Variants in GALNT10 observed in about 807,000 individuals in gnomAD.
GALNT10 encodes GalNAc transferase 10.
A neutral mutation model predicts 75.0 loss-of-function variants in GALNT10; 41 were observed. That is an observed-to-expected ratio of 0.55 (90% CI 0.43 to 0.71). GALNT10 has a LOEUF of 0.71. Ranked by LOEUF, GALNT10 falls within the 30% of genes least tolerant of loss-of-function variation. The probability of loss-of-function intolerance (pLI) is 0.00; values close to 1 mark genes in which losing one functional copy is unlikely to be tolerated. For synonymous variants in GALNT10, 302 were observed against 313.0 expected, an observed-to-expected ratio of 0.96 and a Z score of 0.37; for missense variants, 727 against 818.5, an observed-to-expected ratio of 0.89 and a Z score of 1.36.
chr5:154,346,416 A>C (rs1034144885), intron 4 of GALNT10, among the ~76,000 whole-genome samples: 1 of 152,216 alleles, frequency 6.6e-6, no homozygotes, highest in Non-Finnish European at 1.5e-5. Context: ...ATATGAGCCA[A>C]AGCTCATTCT....
intron 7 of GALNT10, chr5:154,392,782 A>G (rs1755929114): frequency 6.6e-6 from 1 of 152,178 alleles, no homozygotes; most frequent in Non-Finnish European, 1.5e-5. Context: ...AGTGAGAAAA[A>G]TGTAGGCTTT....
At chr5:154,393,424 G>T (rs1301150717) in intron 7 of GALNT10, among the ~76,000 whole-genome samples, 2 of 152,116 alleles carry the variant, frequency 1.3e-5, no homozygotes, top group African/African-American at 4.8e-5. Context: ...ATCCCTAGTG[G>T]CCTTTGGGGG....
intron 2 of GALNT10, among the ~76,000 whole-genome samples, chr5:154,295,579 C>CAGTT (rs1293124820): frequency 1.3e-5 from 2 of 152,160 alleles, no homozygotes; most frequent in Admixed American, 6.5e-5. Context: ...GTCTTGGGAG[C>CAGTT]AGTTCCGTTT....
chr5:154,330,850 T>G (rs1754846072), intron 4 of GALNT10, among the ~76,000 whole-genome samples: 1 of 152,036 alleles, frequency 6.6e-6, no homozygotes, highest in African/African-American at 2.4e-5. Flanking sequence ...TCGCCCCGTT[T>G]TAATACCGCA....
chr5:154,372,366 T>C (rs191642117), intron 4 of GALNT10, among the ~76,000 whole-genome samples: 1 of 152,306 alleles, frequency 6.6e-6, no homozygotes, highest in Non-Finnish European at 1.5e-5. Flanking sequence ...AAGAACTACA[T>C]GTTGCTGTGC....
At chr5:154,242,338 G>A (rs991850426) in intron 1 of GALNT10, among the ~76,000 whole-genome samples, 2 of 152,086 alleles carry the variant, frequency 1.3e-5, no homozygotes, top group Non-Finnish European at 2.9e-5. Context: ...CACTTTTCTG[G>A]TGGTAGCCCA....
rs959314612 is a variant in GALNT10, at chr5:154,205,798, G to C, written c.159+14773G>C. Among the ~76,000 whole-genome samples, 13 of 152,116 alleles carry C rather than the reference G, an allele frequency of 8.5e-5. No homozygotes were observed. The South Asian group carries it at 2.5e-3, about 29-fold the overall frequency. On this transcript the variant is annotated intron_variant, in intron 1 of 11. Transcript: ENST00000297107. Reference sequence around the variant, plus strand: ...CTGGAGTGATGCTGCCCTAAGCCAGGGTACACCTGGGGCTACCAGAAGCTG... The same window carrying C: ...CTGGAGTGATGCTGCCCTAAGCCAGCGTACACCTGGGGCTACCAGAAGCTG...
intron 1 of GALNT10, among the ~76,000 whole-genome samples, chr5:154,193,032 T>TGCA (rs1774883565): frequency 6.6e-6 from 1 of 151,930 alleles, no homozygotes; most frequent in Non-Finnish European, 1.5e-5. Context: ...AACAGCTGGG[T>TGCA]GCTGCTCAGA....
At chr5:154,218,319 A>G (rs1297776514) in intron 1 of GALNT10, among the ~76,000 whole-genome samples, 2 of 152,138 alleles carry the variant, frequency 1.3e-5, no homozygotes, top group African/African-American at 4.8e-5. Flanking sequence ...GAGGAGAGAC[A>G]TTTTAATTAA....
intron 1 of GALNT10, among the ~76,000 whole-genome samples, chr5:154,262,310 G>A (rs896615716): frequency 6.6e-6 from 1 of 152,188 alleles, no homozygotes; most frequent in Non-Finnish European, 1.5e-5. Context: ...CCCTCCTTCT[G>A]TCCCTCTCAG....
intron 10 of GALNT10, among the ~76,000 whole-genome samples, 200 bp downstream of exon 10, chr5:154,413,205 C>G (rs1191111766): frequency 2.6e-5 from 4 of 152,200 alleles, no homozygotes; most frequent in Non-Finnish European, 5.9e-5. Flanking sequence ...TCAGTCTGGA[C>G]CATTTTGGTT....
At chr5:154,348,209 T>C (rs1755157191) in intron 4 of GALNT10, among the ~76,000 whole-genome samples, 1 of 152,264 alleles carries the variant, frequency 6.6e-6, no homozygotes, top group South Asian at 2.1e-4. Flanking sequence ...ATATCATCAG[T>C]CATTTGTTTC....
rs750441555 is a variant in GALNT10 at position 154,376,441 on chromosome 5, A to C, written c.733A>C (p.Asn245His). Reference protein sequence around the residue: ...FLDSHCEANVNWLPPLLDRIA... With the variant: ...FLDSHCEANVHWLPPLLDRIA... ...GGATTCACACTGTGAAGCCAATGTC[A>C]ACTGGCTTCCCCCCTTGCTTGGTAA... The change falls in exon 5 of 12, where the codon AAC becomes CAC. Residue 245 changes from asparagine to histidine, a missense_variant. Asn to His is a moderately conservative substitution (Grantham distance 68, BLOSUM62 1). Coordinates refer to ENST00000297107, the MANE Select transcript of GALNT10 (RefSeq NM_198321.4). This position sits in a 1 kb window ranked among gnomAD's most constrained non-coding sequence, Gnocchi z 4.1. 3 of 1,586,742 alleles carry C rather than the reference A, an allele frequency of 1.9e-6. No homozygotes were observed. The highest frequency in any genetic ancestry group is 2.6e-6 in the Non-Finnish European group (3 of 1,170,186).
At chr5:154,258,487 C>A (rs1318871091) in intron 1 of GALNT10, among the ~76,000 whole-genome samples, 2 of 152,198 alleles carry the variant, frequency 1.3e-5, no homozygotes, top group East Asian at 3.8e-4. Context: ...AAGTTCAAGG[C>A]TGTGTGACTT....
chr5:154,370,244 G>A (rs891097084), intron 4 of GALNT10, among the ~76,000 whole-genome samples: 2 of 152,200 alleles, frequency 1.3e-5, no homozygotes, highest in Non-Finnish European at 2.9e-5. Flanking sequence ...CCTCTGGCTT[G>A]GGTGCTAGGC....
rs144862813 is a variant in GALNT10 at position 154,345,541 on chromosome 5, C to T, written c.568+15803C>T. On this transcript the variant is annotated intron_variant, in intron 4 of 11. Coordinates refer to ENST00000297107, the MANE Select transcript of GALNT10 (RefSeq NM_198321.4). ...GATTCCTCATATGAGTGAGATCATG[C>T]GGTATTTATCTTGTGTGTCTGGCCT... Among the ~76,000 whole-genome samples the T allele has an allele frequency of 3.2e-3, 480 of 150,152 alleles. 5 individuals are homozygous for T. Among genetic ancestry groups the T allele is most frequent in the African/African-American group, 0.011 (465 of 40,998 alleles).
chr5:154,192,284 C>CT (rs1774869888), intron 1 of GALNT10, among the ~76,000 whole-genome samples: 1 of 152,258 alleles, frequency 6.6e-6, no homozygotes, highest in South Asian at 2.1e-4. Flanking sequence ...CTGTTAATTG[C>CT]TGCAAAGCAT....
chr5:154,367,889 C>CA (rs1409650504), intron 4 of GALNT10, among the ~76,000 whole-genome samples: 21 of 150,578 alleles, frequency 1.4e-4, no homozygotes, highest in African/African-American at 4.1e-4. Context: ...GACTCAGTCT[C>CA]AAAAAAAACA....
intron 3 of GALNT10, among the ~76,000 whole-genome samples, chr5:154,308,859 T>A (rs541384502): frequency 1.8e-3 from 274 of 152,348 alleles, no homozygotes; most frequent in African/African-American, 6.3e-3. Context: ...AGCAAATATC[T>A]ATTGAGTGTC....
Sources: allele counts gnomAD v4.1 joint callset (sites outside exome capture counted in the v4.1 genomes callset), GRCh38; gene constraint gnomAD v4.1.1; non-coding constraint Gnocchi (gnomAD v3.1); transcripts MANE v1.5; gene names NCBI Gene and HGNC (gene_info 2026-07-23, HGNC 2026-07-21).